Variants in PPIL3 observed in about 807,000 individuals in gnomAD.
The protein encoded by PPIL3 is peptidyl-prolyl cis-trans isomerase-like 3.
In PPIL3, 13 loss-of-function variants were observed where a neutral mutation model predicts 20.9. The ratio of observed to expected loss-of-function variants is 0.62; its 90% CI spans 0.40 to 0.99. The LOEUF (loss-of-function observed/expected upper bound fraction) is 0.99. Among genes scored for constraint, PPIL3 ranks in the 50% least tolerant of loss-of-function variants. PPIL3 has a pLI of 0.00. For synonymous variants in PPIL3, 71 were observed against 64.4 expected (o/e 1.10, Z -0.49); for missense variants, 170 against 195.2 (o/e 0.87, Z 0.77).
At chr2:200,879,313 GTTT>G (rs1403351855) in intron 5 of PPIL3, among the ~76,000 whole-genome samples, 1 of 151,922 alleles carries the variant, frequency 6.6e-6, no homozygotes. Flanking sequence ...CAGAGACGGG[GTTT>G]CACTGTGTTA....
intron 6 of PPIL3, among the ~76,000 whole-genome samples, chr2:200,873,933 C>T (rs1162001031): frequency 6.6e-6 from 1 of 151,670 alleles, no homozygotes. Context: ...AGGCCTGGCG[C>T]AGTGGCTCAC....
upstream of PPIL3, chr2:200,889,087 G>C (rs1326546549): frequency 1.1e-5 from 5 of 469,952 alleles, no homozygotes; most frequent in Non-Finnish European, 2.2e-5. Flanking sequence ...CGGGACCCAA[G>C]AGAGAGAACG....
chr2:200,875,581 C>CTT (rs372441609), intron 6 of PPIL3, among the ~76,000 whole-genome samples: 1 of 144,900 alleles, frequency 6.9e-6, no homozygotes, highest in Non-Finnish European at 1.5e-5. Flanking sequence ...TTTTTTCTAT[C>CTT]TTTTTTTTTT....
chr2:200,886,491 T>C lies in PPIL3; in HGVS notation c.4-719A>G, dbSNP rs1206335700. On this transcript the variant is annotated intron_variant, in intron 2 of 6. Transcript: ENST00000392283. ...CCCACACTGGAGTGCAGTGGCGTGA[T>C]CTCGGCTCACTACAATCTCCACCTC... is the stretch of plus-strand genomic sequence containing the variant. 1.3e-5 allele frequency among the ~76,000 whole-genome samples: 2 copies of C among 152,062 alleles called. 1 individual carries two copies. Among genetic ancestry groups the C allele is most frequent in the South Asian group, 4.1e-4 (2 of 4,822 alleles).
Position 200,888,981 on chromosome 2 carries a change from C to G in PPIL3, c.-96G>C, listed in dbSNP as rs1236629878. 11 of 471,108 alleles carry G rather than the reference C, an allele frequency of 2.3e-5. 1 individual carries two copies. The Admixed American group carries it at 2.6e-4, about 11-fold the overall frequency. The allele number at this position is 471,108 out of a possible 1,614,324, so 29.2% of individuals were successfully genotyped here. The stretch of plus-strand genomic sequence containing the variant: ...TTGGGCTTCACCACTTCGTCTAGCA[C>G]AGCCGTTGTTAAAACAGGAAAAATG... On this transcript the variant is annotated 5_prime_UTR_variant, in exon 1 of 7. Transcript: ENST00000392283.
Position 200,871,418 on chromosome 2 carries a change from G to A in PPIL3, c.463C>T (p.His155Tyr), listed in dbSNP as rs1325902997. The change falls in exon 7 of 7, where the codon CAT becomes TAT. Residue 155 changes from histidine to tyrosine, a missense_variant. Physicochemically the swap from His to Tyr is moderately conservative, Grantham distance 83 (BLOSUM62 2). Transcript: ENST00000392283. ...AGCTACTGAGCAAATGGGTTGGCAT[G>A]AATAGTTATGTCCTTAATGTGTACA... is the stretch of plus-strand genomic sequence containing the variant. ...NDVHIKDITIHANPFAQ is the reference protein window; with the variant it reads ...NDVHIKDITIYANPFAQ The A allele has an allele frequency of 6.2e-7, 1 of 1,611,450 alleles. No homozygotes were observed. The highest frequency in any genetic ancestry group is 1.7e-5 in the Admixed American group (1 of 59,742).
At chr2:200,889,223 A>G (rs1174548239), upstream of PPIL3, 4 of 359,320 alleles carry the variant, frequency 1.1e-5, no homozygotes, top group Non-Finnish European at 1.1e-5. Context: ...CACTGGGACA[A>G]GAAGTGTAAG....
upstream of PPIL3, chr2:200,889,105 C>T: frequency 2.1e-6 from 1 of 467,036 alleles, no homozygotes; most frequent in Non-Finnish European, 4.4e-6. Context: ...ACGCCCCTTA[C>T]CGCCTCACCT....
At chr2:200,875,946 A>G (rs1245475811) in intron 6 of PPIL3, among the ~76,000 whole-genome samples, 3 of 152,032 alleles carry the variant, frequency 2.0e-5, no homozygotes, top group East Asian at 3.9e-4. Context: ...AGAAGTTTTG[A>G]TAAGAGCTGT....
chr2:200,885,482 C>G, intron 3 of PPIL3: 1 of 503,964 alleles, frequency 2.0e-6, no homozygotes, highest in Non-Finnish European at 3.4e-6. Context: ...ATACTGGCTA[C>G]TCTATCGTTA....
intron 6 of PPIL3, among the ~76,000 whole-genome samples, chr2:200,874,445 G>A (rs1344611202): frequency 6.6e-6 from 1 of 152,118 alleles, no homozygotes; most frequent in Non-Finnish European, 1.5e-5. Flanking sequence ...CAGTTAAGTA[G>A]AGTCAAGTAT....
Position 200,889,025 on chromosome 2 carries a change from G to C in PPIL3, c.-140C>G, listed in dbSNP as rs1222523923. 3 of 471,104 alleles carry C rather than the reference G, an allele frequency of 6.4e-6. No individual in the cohort carries two copies. Among genetic ancestry groups the C allele is most frequent in the Non-Finnish European group, 8.8e-6 (2 of 227,088 alleles). The allele number at this position is 471,104 out of a possible 1,614,324, so 29.2% of individuals were successfully genotyped here. A position where few individuals can be genotyped will look rare whatever the true frequency, so the allele number is the denominator to read the frequency against. On this transcript the variant is annotated 5_prime_UTR_variant, in exon 1 of 7. Coordinates refer to ENST00000392283, the MANE Select transcript of PPIL3 (RefSeq NM_130906.3). ...AAAAATGCAATCGCAGATGCCAGCA[G>C]AGGTCTGTTGGTTCAAAATTATAGT... is the stretch of plus-strand genomic sequence containing the variant.
At chr2:200,872,071 C>G (rs768223761) in intron 6 of PPIL3, among the ~76,000 whole-genome samples, 1 of 152,198 alleles carries the variant, frequency 6.6e-6, no homozygotes, top group African/African-American at 2.4e-5. Flanking sequence ...TCCCACAAGA[C>G]AGCCCCTACC....
Position 200,871,254 on chromosome 2 carries a change from CCTTGGTA to C in PPIL3, c.*134_*140del. The stretch of plus-strand genomic sequence containing the variant: ...ATGGGGATAAAAGCTGTTGGGCGCC[CCTTGGTA>C]CCACCATTTCATAGAAGATCATAGT... On this transcript the variant is annotated 3_prime_UTR_variant, in exon 7 of 7. Coordinates refer to ENST00000392283, the MANE Select transcript of PPIL3 (RefSeq NM_130906.3). 1.3e-6 allele frequency: 1 copy of C among 799,144 alleles called. No homozygotes were observed. Among genetic ancestry groups the C allele is most frequent in the Non-Finnish European group, 1.9e-6 (1 of 533,024 alleles). 49.5% of individuals were successfully genotyped at this position (799,144 alleles called of 1,614,324 possible). A position where few individuals can be genotyped will look rare whatever the true frequency, so the allele number is the denominator to read the frequency against.
intron 3 of PPIL3, among the ~76,000 whole-genome samples, chr2:200,884,622 C>T (rs139484214): frequency 6.6e-6 from 1 of 152,016 alleles, no homozygotes; most frequent in African/African-American, 2.4e-5. Context: ...CGCCTGTAGT[C>T]CTATCTACTT....
intron 6 of PPIL3, among the ~76,000 whole-genome samples, chr2:200,873,539 A>T (rs2039391576): frequency 6.6e-6 from 1 of 152,102 alleles, no homozygotes; most frequent in Admixed American, 6.6e-5. Flanking sequence ...AAGAAGTAAT[A>T]AAAATAGGAG....
chr2:200,884,774 T>C (rs1354432589), intron 3 of PPIL3: 3 of 151,260 alleles, frequency 2.0e-5, no homozygotes, highest in Non-Finnish European at 4.4e-5. Flanking sequence ...TTCTTTAATA[T>C]AATATCCTGC....
At chr2:200,876,776 G>A (rs2039533498) in intron 6 of PPIL3, 143 bp downstream of exon 6, 1 of 659,610 alleles carries the variant, frequency 1.5e-6, no homozygotes, top group South Asian at 1.9e-5. Flanking sequence ...GCCCACCTTG[G>A]CCTCCCAAAG....
At chr2:200,887,557 A>G (rs2039988545) in intron 2 of PPIL3, 56 bp downstream of exon 2, 1 of 1,396,288 alleles carries the variant, frequency 7.2e-7, no homozygotes, top group Non-Finnish European at 1.0e-6. Flanking sequence ...CCTTGACTGA[A>G]TTTCTAAAAA....
Sources: gnomAD v4.1 joint callset for allele counts (sites outside exome capture counted in the v4.1 genomes callset) on GRCh38, gnomAD v4.1.1 for gene constraint, MANE v1.5 for transcripts, NCBI Gene and HGNC (gene_info 2026-07-23, HGNC 2026-07-21) for gene names.